The following CSMD3 variants were observed in gnomAD, a reference collection of about 807,000 sequenced individuals.
CSMD3 encodes CUB and sushi domain-containing protein 3.
In CSMD3, 177 loss-of-function variants were observed where a neutral mutation model predicts 435.2. The observed-to-expected ratio is 0.41, with a 90% CI of 0.36 to 0.46. CSMD3 has a LOEUF of 0.46. CSMD3 is among the 20% of genes least tolerant of loss of function. The pLI, the probability that CSMD3 is intolerant of heterozygous loss-of-function variation, is 0.34. For synonymous variants in CSMD3, 1,656 were observed against 1,520.5 expected (o/e 1.09, Z -2.07); for missense variants, 4,265 against 4,504.6 (o/e 0.95, Z 1.52).
At chr8:112,799,187 A>C (rs1481334642) in intron 13 of CSMD3, among the ~76,000 whole-genome samples, 1 of 151,898 alleles carries the variant, frequency 6.6e-6, no homozygotes, top group East Asian at 1.9e-4. Context: ...TATTCAAATT[A>C]ATACAGTACC....
intron 40 of CSMD3, among the ~76,000 whole-genome samples, chr8:112,348,681 G>A (rs1825882129): frequency 6.6e-6 from 1 of 152,112 alleles, no homozygotes; most frequent in Non-Finnish European, 1.5e-5. Context: ...CAGATCACCT[G>A]AGGTCAGGAG....
intron 13 of CSMD3, among the ~76,000 whole-genome samples, chr8:112,791,216 G>A (rs1342761640): frequency 1.3e-5 from 2 of 151,368 alleles, no homozygotes; most frequent in African/African-American, 2.4e-5. Flanking sequence ...CCAGCTACTC[G>A]GGAGGCTGAG....
In CSMD3 at chr8:112,492,497, C is replaced by G. The variant is rs1298989300; in HGVS notation, c.5270G>C (p.Ser1757Thr). 1 of 1,613,480 alleles carries G rather than the reference C, an allele frequency of 6.2e-7. No homozygotes were observed. Among genetic ancestry groups the G allele is most frequent in the East Asian group, 2.2e-5 (1 of 44,862 alleles). ...AAAAATATGTTCCTTACCATGACAACTTGGCAAGGCTCTATTCCATCCAGG... is the reference window on the plus strand; with the variant it reads ...AAAAATATGTTCCTTACCATGACAAGTTGGCAAGGCTCTATTCCATCCAGG... Reference protein sequence around the residue: ...GRPGWNRALPSCHAPCGSRST... With the variant: ...GRPGWNRALPTCHAPCGSRST... The change falls in exon 31 of 71, where the codon AGT becomes ACT. Residue 1757 changes from serine to threonine, a missense_variant. Around this residue, in one of 3 missense-constraint regions of CSMD3, gnomAD observed 3,255 missense variants for 3,380.2 expected, o/e 0.96. Coordinates refer to ENST00000297405, the MANE Select transcript of CSMD3 (RefSeq NM_198123.2).
At chr8:113,177,341 T>C (rs758984429) in intron 3 of CSMD3, among the ~76,000 whole-genome samples, 1 of 152,038 alleles carries the variant, frequency 6.6e-6, no homozygotes, top group Non-Finnish European at 1.5e-5. Flanking sequence ...ATTCATCAGA[T>C]GTACATGCAA....
At chr8:112,741,294 A>T (rs553053348) in intron 13 of CSMD3, among the ~76,000 whole-genome samples, 1 of 152,068 alleles carries the variant, frequency 6.6e-6, no homozygotes, top group East Asian at 1.9e-4. Flanking sequence ...ATGGTAAGAG[A>T]CTTAACTAGA....
intron 13 of CSMD3, among the ~76,000 whole-genome samples, chr8:112,695,567 T>C (rs570860275): frequency 4.6e-5 from 7 of 152,180 alleles, no homozygotes; most frequent in Non-Finnish European, 1.0e-4. Context: ...AATTATGTAT[T>C]GATGGGACGT....
intron 28 of CSMD3, among the ~76,000 whole-genome samples, chr8:112,508,815 A>G (rs1822798640): frequency 6.6e-6 from 1 of 151,986 alleles, no homozygotes; most frequent in Non-Finnish European, 1.5e-5. Flanking sequence ...ATTTGGCATA[A>G]CTAAGCTTTT....
rs761900341 is a variant in CSMD3 at position 112,666,361 on chromosome 8, C to T, written c.2732G>A (p.Trp911Ter). The change falls in exon 17 of 71, where the codon TGG (tryptophan) becomes TAG (stop). Residue 911 changes from tryptophan (W) to a stop codon, truncating the protein, a stop_gained. Coordinates refer to ENST00000297405, the MANE Select transcript of CSMD3 (RefSeq NM_198123.2). LOFTEE classifies it high-confidence loss of function. ...CAAAGAGTCTTTGTAGTATCCTGGC[C>T]ATCCTGGTGAGAGAATCACTCCACT... Reference protein sequence around the residue: ...APSGVILSPGWPGYYKDSLNC... With the variant: ...APSGVILSPG The T allele has an allele frequency of 6.2e-7, 1 of 1,612,594 alleles. No individual in the cohort carries two copies. The highest frequency in any genetic ancestry group is 1.1e-5 in the South Asian group (1 of 90,922).
At chr8:113,254,980 G>A (rs2093367413) in intron 3 of CSMD3, among the ~76,000 whole-genome samples, 1 of 152,032 alleles carries the variant, frequency 6.6e-6, no homozygotes. Flanking sequence ...AAAATAATGA[G>A]TACTTAAAAA....
At chr8:112,379,162 T>C (rs1425445933) in intron 38 of CSMD3, among the ~76,000 whole-genome samples, 3 of 152,152 alleles carry the variant, frequency 2.0e-5, no homozygotes, top group Admixed American at 6.6e-5. Flanking sequence ...GTGAAAGACT[T>C]GCACTCTAAA....
intron 32 of CSMD3, among the ~76,000 whole-genome samples, chr8:112,419,111 A>C (rs1812210069): frequency 6.6e-6 from 1 of 152,206 alleles, no homozygotes. Context: ...TGAAACTTTT[A>C]TTAATAGTTT....
At chr8:113,406,981 A>T (rs928508018) in intron 1 of CSMD3, among the ~76,000 whole-genome samples, 14 of 152,102 alleles carry the variant, frequency 9.2e-5, no homozygotes, top group Non-Finnish European at 2.1e-4. Flanking sequence ...AGTGGCATTA[A>T]ACATATTTAG....
intron 5 of CSMD3, among the ~76,000 whole-genome samples, chr8:113,043,066 T>C (rs2087687522): frequency 1.3e-5 from 2 of 152,220 alleles, no homozygotes; most frequent in South Asian, 4.1e-4. Flanking sequence ...CTAAAAAATA[T>C]TCTATGCACC....
chr8:112,297,990 C>T (rs1354975827), intron 53 of CSMD3, among the ~76,000 whole-genome samples: 1 of 123,526 alleles, frequency 8.1e-6, no homozygotes, highest in Non-Finnish European at 1.7e-5. Context: ...TTTTTACTTA[C>T]AATAGTAAAA....
chr8:112,320,032 T>C (rs758661187), intron 45 of CSMD3, 51 bp from the exon 46 acceptor site: 1 of 1,170,250 alleles, frequency 8.5e-7, no homozygotes, highest in South Asian at 1.3e-5. Flanking sequence ...CTACATGTAT[T>C]CACATATGCA....
chr8:112,650,066 A>G (rs1245361418), intron 19 of CSMD3, 95 bp downstream of exon 19: 1 of 931,580 alleles, frequency 1.1e-6, no homozygotes, highest in Non-Finnish European at 1.7e-6. Context: ...TAAAAAACCT[A>G]AAATATTTAT....
intron 32 of CSMD3, among the ~76,000 whole-genome samples, chr8:112,446,828 C>T (rs1815658310): frequency 6.6e-6 from 1 of 152,072 alleles, no homozygotes; most frequent in Non-Finnish European, 1.5e-5. Flanking sequence ...GGGCAATGGG[C>T]CGGGTTTCAG....
intron 20 of CSMD3, chr8:112,643,585 A>G (rs1013782075): frequency 5.9e-6 from 1 of 168,856 alleles, no homozygotes. Flanking sequence ...CATAGCAAGC[A>G]GTATGTAGCC....
Position 112,383,659 on chromosome 8 carries a change from T to C in CSMD3, c.5939A>G (p.Gln1980Arg), listed in dbSNP as rs968463953. Reference sequence around the variant, plus strand: ...ATGTTCTGTAGCAAAGCTAACAACTTGCACCTGTGAAATAATAATTACAGG... The same window carrying C: ...ATGTTCTGTAGCAAAGCTAACAACTCGCACCTGTGAAATAATAATTACAGG... ...TVPEGAGIQV[Q>R]VVSFATEHNW... Residue 1980 changes from glutamine (Q) to arginine (R), a missense_variant, in exon 37 of 71, where the codon CAA becomes CGA. Physicochemically the swap from Gln to Arg is conservative, Grantham distance 43 (BLOSUM62 1). This residue lies in a region of CSMD3 where 3,255 missense variants were observed against 3,380.2 expected (regional missense o/e 0.96). Transcript: ENST00000297405. 5 of 1,585,962 alleles carry C rather than the reference T, an allele frequency of 3.2e-6. No individual in the cohort carries two copies. Among genetic ancestry groups the C allele is most frequent in the Non-Finnish European group, 4.3e-6 (5 of 1,154,416 alleles).
Sources: gnomAD v4.1 joint callset for allele counts (sites outside exome capture counted in the v4.1 genomes callset) on GRCh38, gnomAD v4.1.1 for gene constraint, gnomAD v4.1.1 regional missense constraint, MANE v1.5 for transcripts, NCBI Gene and HGNC (gene_info 2026-07-23, HGNC 2026-07-21) for gene names.